The following ELOVL5 variants were observed in gnomAD, a reference collection of about 807,000 sequenced individuals.
ELOVL5 encodes very long chain fatty acid elongase 5.
Under a neutral mutation model 38.6 loss-of-function variants are expected in ELOVL5, and 8 were observed. That is an observed-to-expected ratio of 0.21 (90% CI 0.12 to 0.37). The LOEUF (loss-of-function observed/expected upper bound fraction) is 0.37. ELOVL5 is among the 10% of genes least tolerant of loss of function. ELOVL5 has a pLI of 1.00. For missense variants in ELOVL5, 280 were observed against 367.8 expected (o/e 0.76, Z 1.95); for synonymous variants, 127 against 133.7 (o/e 0.95, Z 0.34).
chr6:53,289,785 A>G (rs1766705263), intron 3 of ELOVL5, among the ~76,000 whole-genome samples: 1 of 152,250 alleles, frequency 6.6e-6, no homozygotes, highest in African/African-American at 2.4e-5. Context: ...ACACATGACA[A>G]TGGAATTATT....
At chr6:53,335,264 CCAGT>C (rs1490981982) in intron 1 of ELOVL5, among the ~76,000 whole-genome samples, 1 of 152,208 alleles carries the variant, frequency 6.6e-6, no homozygotes, top group Non-Finnish European at 1.5e-5. Context: ...CCTCCAGAAA[CCAGT>C]CAAAGGCTCC....
In ELOVL5 at chr6:53,273,280, C is replaced by T. The variant is rs199770402; in HGVS notation, c.561G>A (p.Ser187=). ...GGTATGGACGCATGGAAGGGACTGA[C>T]GACAAACCATAGTAAGAGTACATGA... ...HVLMYSYYGL[S]SVPSMRPYLW... is the part of the protein sequence containing the mutation. Residue 187 remains serine (S), a synonymous_variant, in exon 6 of 8, where the codon TCG becomes TCA. Coordinates refer to ENST00000304434, the MANE Select transcript of ELOVL5 (RefSeq NM_021814.5). The T allele has an allele frequency of 3.2e-5, 52 of 1,613,436 alleles. No individual in the cohort carries two copies. The highest frequency in any genetic ancestry group is 1.6e-4 in the Middle Eastern group (1 of 6,080).
intron 1 of ELOVL5, among the ~76,000 whole-genome samples, chr6:53,326,612 C>T (rs1325042878): frequency 6.6e-6 from 1 of 152,184 alleles, no homozygotes; most frequent in Non-Finnish European, 1.5e-5. Flanking sequence ...ATTCCTCCCG[C>T]AGAGCCCCAG....
chr6:53,338,306 A>C (rs371523669), intron 1 of ELOVL5, among the ~76,000 whole-genome samples: 1 of 152,230 alleles, frequency 6.6e-6, no homozygotes, highest in Non-Finnish European at 1.5e-5. Context: ...TGTCACATCC[A>C]ACTTCCCTTG....
intron 3 of ELOVL5, among the ~76,000 whole-genome samples, chr6:53,280,478 C>T (rs1215946704): frequency 1.3e-5 from 2 of 152,234 alleles, no homozygotes. Flanking sequence ...TAGCTACAAG[C>T]TCTTTTCTCC....
chr6:53,342,665 C>T (rs1490717231), intron 1 of ELOVL5, among the ~76,000 whole-genome samples: 1 of 152,146 alleles, frequency 6.6e-6, no homozygotes, highest in Admixed American at 6.5e-5. Flanking sequence ...TTGTTATTCT[C>T]CCAATTAGAG....
chr6:53,292,621 T>A (rs1766816930), intron 2 of ELOVL5, among the ~76,000 whole-genome samples: 1 of 152,138 alleles, frequency 6.6e-6, no homozygotes, highest in Admixed American at 6.5e-5. Context: ...CAAAACACTA[T>A]CTCTACTAAA....
intron 1 of ELOVL5, among the ~76,000 whole-genome samples, chr6:53,326,872 G>A (rs1291033258): frequency 2.0e-5 from 3 of 152,146 alleles, no homozygotes; most frequent in African/African-American, 4.8e-5. Context: ...AGAGCAGGAG[G>A]CACTCACAAC....
At chr6:53,296,197 A>T (rs1346528729) in intron 1 of ELOVL5, among the ~76,000 whole-genome samples, 2 of 152,162 alleles carry the variant, frequency 1.3e-5, no homozygotes, top group Non-Finnish European at 2.9e-5. Flanking sequence ...GTAAAAAAAA[A>T]TTCAAGTATT....
At chr6:53,283,018 C>G (rs549589221) in intron 3 of ELOVL5, among the ~76,000 whole-genome samples, 1 of 152,294 alleles carries the variant, frequency 6.6e-6, no homozygotes, top group South Asian at 2.1e-4. Context: ...CATTCAGTCA[C>G]CAAATGCTCA....
rs150602790 is a variant in ELOVL5 at position 53,342,962 on chromosome 6, C to T, written c.-9+5855G>A. ...TTCTAAAAGTGAATGCCTACAAGTC[C>T]ACTAAAAATGTTACCATGGAGCAAA... On this transcript the variant is annotated intron_variant, in intron 1 of 7. Transcript: ENST00000304434. Among the ~76,000 whole-genome samples, 45 of 152,244 alleles carry T rather than the reference C, an allele frequency of 3.0e-4. 1 individual carries two copies. The highest frequency in any genetic ancestry group is 1.0e-3 in the African/African-American group (43 of 41,522).
chr6:53,289,121 C>T (rs1172359584), intron 3 of ELOVL5, among the ~76,000 whole-genome samples: 1 of 152,150 alleles, frequency 6.6e-6, no homozygotes, highest in African/African-American at 2.4e-5. Flanking sequence ...TTTTATTAAT[C>T]TAGAACTTGC....
intron 4 of ELOVL5, 44 bp downstream of exon 4, chr6:53,276,135 A>G (rs909200738): frequency 7.4e-7 from 1 of 1,344,742 alleles, no homozygotes. Flanking sequence ...ATTTTTAAAA[A>G]CTCAACACTT....
intron 1 of ELOVL5, among the ~76,000 whole-genome samples, chr6:53,324,985 G>T (rs1474367735): frequency 6.6e-6 from 1 of 152,166 alleles, no homozygotes; most frequent in African/African-American, 2.4e-5. Context: ...TTAACCGGAA[G>T]CCAAAGACTT....
intron 6 of ELOVL5, among the ~76,000 whole-genome samples, chr6:53,272,536 G>C (rs538963224): frequency 2.6e-3 from 393 of 152,336 alleles, no homozygotes; most frequent in Non-Finnish European, 3.8e-3. Context: ...GGAAATGTCA[G>C]TGTTTAATAT....
chr6:53,290,357 T>G (rs187080486), intron 3 of ELOVL5: 2 of 152,242 alleles, frequency 1.3e-5, no homozygotes, highest in Admixed American at 1.3e-4. Context: ...GACATGGCTG[T>G]ATTATCTATC....
chr6:53,311,838 T>C (rs895577506), intron 1 of ELOVL5, among the ~76,000 whole-genome samples: 3 of 152,194 alleles, frequency 2.0e-5, no homozygotes, highest in African/African-American at 7.2e-5. Context: ...ACCGATACTG[T>C]TTATGATGTT....
At chr6:53,327,328 A>C (rs970872558) in intron 1 of ELOVL5, among the ~76,000 whole-genome samples, 2 of 152,168 alleles carry the variant, frequency 1.3e-5, no homozygotes, top group Non-Finnish European at 2.9e-5. Context: ...GACAGTCCCT[A>C]TGAATCCCTT....
chr6:53,272,767 T>G (rs773261753), intron 6 of ELOVL5, among the ~76,000 whole-genome samples: 1 of 152,100 alleles, frequency 6.6e-6, no homozygotes. Context: ...GGCTGAGGGG[T>G]CATCCATACC....
Sources: allele counts gnomAD v4.1 joint callset (sites outside exome capture counted in the v4.1 genomes callset), GRCh38; gene constraint gnomAD v4.1.1; transcripts MANE v1.5; gene names NCBI Gene and HGNC (gene_info 2026-07-23, HGNC 2026-07-21).